RRM2B: variants seen among roughly 807,000 people sequenced by gnomAD.
RRM2B encodes the protein ribonucleotide reductase regulatory TP53 inducible subunit M2B, also known as ribonucleoside-diphosphate reductase subunit M2 B.
In RRM2B, 20 loss-of-function variants were observed where a neutral mutation model predicts 45.9. The observed-to-expected ratio is 0.44, with a 90% CI of 0.31 to 0.63. The LOEUF is 0.63. Ranked by LOEUF, RRM2B falls within the 30% of genes least tolerant of loss-of-function variation. RRM2B has a pLI of 0.09. For missense variants in RRM2B, 320 were observed against 414.7 expected, an observed-to-expected ratio of 0.77 and a Z score of 1.98; for synonymous variants, 124 against 132.3, an observed-to-expected ratio of 0.94 and a Z score of 0.43.
At chr8:102,209,727 C>T (rs1340482545) in intron 8 of RRM2B, among the ~76,000 whole-genome samples, 3 of 152,142 alleles carry the variant, frequency 2.0e-5, no homozygotes, top group Non-Finnish European at 4.4e-5. Context: ...GAGGAAACAA[C>T]TTAAATGTCC....
At chr8:102,238,575 C>T in intron 1 of RRM2B, 11 of 1,524,120 alleles carry the variant, frequency 7.2e-6, no homozygotes, top group Non-Finnish European at 7.9e-6. Flanking sequence ...CTGAGGCCTC[C>T]AAGCGTCGTC....
chr8:102,214,063 T>C lies in RRM2B; in HGVS notation c.780A>G (p.Lys260=). ...RVREIIVDAV[K]IEQEFLTEAL... The stretch of plus-strand genomic sequence containing the variant: ...AAACTTCCCGGTTTACCTGCTCAAT[T>C]TTGACAGCATCAACAATGATCTCCC... Residue 260 remains lysine (K), a synonymous_variant, in exon 7 of 9, where the codon AAA becomes AAG. Transcript: ENST00000251810. 6.2e-7 allele frequency: 1 copy of C among 1,610,792 alleles called. No individual in the cohort carries two copies. Among genetic ancestry groups the C allele is most frequent in the South Asian group, 1.1e-5 (1 of 91,002 alleles).
rs549173233 is a variant in RRM2B, at chr8:102,225,565, C to T, written c.321+353G>A. 2.0e-4 allele frequency among the ~76,000 whole-genome samples: 31 copies of T among 152,232 alleles called. 1 individual carries two copies. The East Asian group carries it at 6.0e-3, about 29-fold the overall frequency. On this transcript the variant is annotated intron_variant, in intron 3 of 8. Transcript: ENST00000251810. ...TAATTCTTTTTAAAAAGAAATTATG[C>T]CTCCTGATCAACCATAATCAAGTTT...
intron 4 of RRM2B, 59 bp from the exon 5 acceptor site, chr8:102,224,199 T>G (rs77544566): frequency 8.8e-7 from 1 of 1,141,716 alleles, no homozygotes; most frequent in Non-Finnish European, 1.3e-6. Context: ...TTTTTTTTTT[T>G]GAGACAGAGT....
At chr8:102,215,218 G>T (rs1810708673) in intron 6 of RRM2B, among the ~76,000 whole-genome samples, 1 of 151,724 alleles carries the variant, frequency 6.6e-6, no homozygotes, top group South Asian at 2.1e-4. Flanking sequence ...TTCGAGACCA[G>T]CCTGGGCAAC....
Position 102,221,717 on chromosome 8 carries a change from T to TA in RRM2B, c.550+2328dup, listed in dbSNP as rs1323454934. ...AATCTAGCTGGAGTCCTCATGTAGTTACATGGTGACTGCCAGCCTTCTCTG... is the reference window on the plus strand; with the variant it reads ...AATCTAGCTGGAGTCCTCATGTAGTTAACATGGTGACTGCCAGCCTTCTCTG... On this transcript the variant is annotated intron_variant, in intron 5 of 8. Transcript: ENST00000251810. 3.3e-5 allele frequency among the ~76,000 whole-genome samples: 5 copies of TA among 152,308 alleles called. No homozygotes were observed. In the East Asian group the frequency reaches 9.6e-4, roughly 29 times the overall value.
At chr8:102,223,695 C>CAAAAA (rs764014539) in intron 5 of RRM2B, among the ~76,000 whole-genome samples, 2 of 74,710 alleles carry the variant, frequency 2.7e-5, no homozygotes, top group African/African-American at 5.2e-5. Flanking sequence ...GACTCCGTCT[C>CAAAAA]AAAAAAAAAA....
At chr8:102,221,647 T>C (rs1407157203) in intron 5 of RRM2B, among the ~76,000 whole-genome samples, 1 of 152,200 alleles carries the variant, frequency 6.6e-6, no homozygotes, top group Non-Finnish European at 1.5e-5. Flanking sequence ...AGACCCTATA[T>C]TAGAACCTGA....
intron 8 of RRM2B, among the ~76,000 whole-genome samples, 199 bp downstream of exon 8, chr8:102,212,575 ATT>A (rs1328034726): frequency 3.5e-4 from 54 of 152,202 alleles, no homozygotes; most frequent in Non-Finnish European, 2.8e-4. Flanking sequence ...TAGTTCTAAT[ATT>A]TTACCAGCCT....
chr8:102,221,136 A>C (rs1810828455), intron 5 of RRM2B, among the ~76,000 whole-genome samples: 1 of 152,196 alleles, frequency 6.6e-6, no homozygotes, highest in Non-Finnish European at 1.5e-5. Flanking sequence ...AGGATGTCTC[A>C]ATTTTTAAAA....
At chr8:102,226,603 G>T (rs2607658) in intron 2 of RRM2B, among the ~76,000 whole-genome samples, 87,643 of 151,982 alleles carry the variant, frequency 0.58, 26,310 homozygotes, top group African/African-American at 0.75. Flanking sequence ...TATATAATAT[G>T]TGCTATGGTG....
At chr8:102,235,025 T>C (rs568492074) in intron 1 of RRM2B, among the ~76,000 whole-genome samples, 52 of 152,316 alleles carry the variant, frequency 3.4e-4, no homozygotes, top group Middle Eastern at 3.4e-3. Context: ...TCTGCTTTGA[T>C]ATAAAACACT....
chr8:102,232,624 G>T (rs555746545), intron 1 of RRM2B, among the ~76,000 whole-genome samples: 66 of 152,278 alleles, frequency 4.3e-4, no homozygotes, highest in African/African-American at 1.4e-3. Context: ...TGTAATTATT[G>T]CTAGTTTGAG....
chr8:102,232,417 G>A, intron 1 of RRM2B, 113 bp from the exon 2 acceptor site: 1 of 1,056,488 alleles, frequency 9.5e-7, no homozygotes, highest in Non-Finnish European at 1.4e-6. Context: ...GAGCCTGTCT[G>A]CCTGGGTTGA....
intron 2 of RRM2B, among the ~76,000 whole-genome samples, chr8:102,226,254 TG>T (rs1018749705): frequency 6.6e-5 from 10 of 151,754 alleles, no homozygotes; most frequent in East Asian, 3.9e-4. Context: ...CTATTCTTGG[TG>T]GGGGGGTGAA....
intron 8 of RRM2B, among the ~76,000 whole-genome samples, chr8:102,212,167 A>C (rs1810645731): frequency 6.6e-6 from 1 of 152,202 alleles, no homozygotes; most frequent in Admixed American, 6.5e-5. Flanking sequence ...TATTATTACT[A>C]TCTCTAATTT....
chr8:102,228,770 T>C (rs759601640), intron 2 of RRM2B, among the ~76,000 whole-genome samples: 32 of 152,304 alleles, frequency 2.1e-4, no homozygotes, highest in Non-Finnish European at 2.8e-4. Flanking sequence ...TGAGTGGAGT[T>C]TGCCCCTGCC....
chr8:102,215,379 C>G, intron 6 of RRM2B, among the ~76,000 whole-genome samples: 1 of 151,178 alleles, frequency 6.6e-6, no homozygotes, highest in South Asian at 2.1e-4. Context: ...CACTGCACTC[C>G]AGCCTGGGTG....
At chr8:102,220,741 T>C (rs367661106) in intron 5 of RRM2B, among the ~76,000 whole-genome samples, 17 of 152,308 alleles carry the variant, frequency 1.1e-4, no homozygotes, top group African/African-American at 3.8e-4. Flanking sequence ...TAGTGGAAAA[T>C]TGGTATTGTA....
Sources: allele counts gnomAD v4.1 joint callset (sites outside exome capture counted in the v4.1 genomes callset), GRCh38; gene constraint gnomAD v4.1.1; transcripts MANE v1.5; gene names NCBI Gene and HGNC (gene_info 2026-07-23, HGNC 2026-07-21).